The following ASPHD1 variants were observed in gnomAD, a reference collection of about 807,000 sequenced individuals.
ASPHD1 encodes aspartate beta-hydroxylase domain containing 1, also known as aspartate beta-hydroxylase domain-containing protein 1.
Under a neutral mutation model 28.3 loss-of-function variants are expected in ASPHD1, and 20 were observed. That is an observed-to-expected ratio of 0.71 (90% CI 0.50 to 1.03). The LOEUF (loss-of-function observed/expected upper bound fraction) is 1.03, where lower values mean the gene tolerates loss of function less well. Among genes scored for constraint, ASPHD1 ranks in the 50% least tolerant of loss-of-function variants. The probability of loss-of-function intolerance (pLI) is 0.00; values close to 1 mark genes in which losing one functional copy is unlikely to be tolerated. For synonymous variants in ASPHD1, 240 were observed against 221.2 expected, an observed-to-expected ratio of 1.08 and a Z score of -0.75; for missense variants, 479 against 524.1, an observed-to-expected ratio of 0.91 and a Z score of 0.84.
chr16:29,901,344 G>T lies in ASPHD1; in HGVS notation c.373G>T (p.Ala125Ser), dbSNP rs2068543750. ...VRGGPVGCSE[A>S]GGPSPGGPGD... ...TGGTGGGCCTGTGGGATGCTCGGAGGCCGGCGGGCCAAGCCCAGGGGGTCC... is the reference window on the plus strand; with the variant it reads ...TGGTGGGCCTGTGGGATGCTCGGAGTCCGGCGGGCCAAGCCCAGGGGGTCC... The change falls in exon 1 of 3, where the codon GCC (alanine) becomes TCC (serine). Residue 125 changes from alanine to serine, a missense_variant. Physicochemically the swap from Ala to Ser is moderately conservative, Grantham distance 99. Coordinates refer to ENST00000308748, the MANE Select transcript of ASPHD1 (RefSeq NM_181718.4). This position sits in a 1 kb window ranked among gnomAD's most constrained non-coding sequence, Gnocchi z 5.1. The T allele has an allele frequency of 6.2e-7, 1 of 1,602,326 alleles. No homozygotes were observed. Among genetic ancestry groups the T allele is most frequent in the South Asian group, 1.1e-5 (1 of 90,146 alleles).
Position 29,905,295 on chromosome 16 carries a change from T to C in ASPHD1, c.1063+330T>C, listed in dbSNP as rs2068594335. The C allele has an allele frequency of 3.2e-5, 8 of 248,744 alleles. No homozygotes were observed. In the South Asian group the frequency reaches 4.0e-4, roughly 12 times the overall value. 15.4% of individuals were successfully genotyped at this position (248,744 alleles called of 1,614,324 possible). On this transcript the variant is annotated intron_variant, in intron 2 of 2. Transcript: ENST00000308748. Reference sequence around the variant, plus strand: ...GTTGCTTTGTATAAAATAGGGATAATTATGGTAATACCACAGTTTGTTTTG... The same window carrying C: ...GTTGCTTTGTATAAAATAGGGATAACTATGGTAATACCACAGTTTGTTTTG...
intron 1 of ASPHD1, among the ~76,000 whole-genome samples, chr16:29,903,315 C>G (rs2150828860): frequency 6.6e-6 from 1 of 152,078 alleles, no homozygotes; most frequent in African/African-American, 2.4e-5. Flanking sequence ...GAGATCACAA[C>G]ATTGCACTCC....
At position 29,901,972 on chromosome 16, in the gene ASPHD1, C is replaced by G. The variant is rs1335252728; in HGVS notation, c.949+52C>G. 1 of 1,362,780 alleles carries G rather than the reference C, an allele frequency of 7.3e-7. No homozygotes were observed. Among genetic ancestry groups the G allele is most frequent in the Non-Finnish European group, 9.6e-7 (1 of 1,041,882 alleles). 84.4% of individuals were successfully genotyped at this position (1,362,780 alleles called of 1,614,324 possible). Reference sequence around the variant, plus strand: ...CTCCTTGCCTCGATGATTTCCCCCCCAGACCCTTCTCTCCGCCAGAGCCGT... The same window carrying G: ...CTCCTTGCCTCGATGATTTCCCCCCGAGACCCTTCTCTCCGCCAGAGCCGT... On this transcript the variant is annotated intron_variant, in intron 1 of 2. Transcript: ENST00000308748. This position sits in a 1 kb window ranked among gnomAD's most constrained non-coding sequence, Gnocchi z 5.1.
At chr16:29,906,148 C>CTTT (rs770827164), downstream of ASPHD1, 418 of 177,384 alleles carry the variant, frequency 2.4e-3, 1 homozygote, top group African/African-American at 6.9e-3. Context: ...TTTTTTCTTT[C>CTTT]TTTTTTTTTT....
intron 1 of ASPHD1, 34 bp from the exon 2 acceptor site, chr16:29,904,818 C>T (rs746253276): frequency 2.1e-5 from 31 of 1,473,906 alleles, no homozygotes; most frequent in Non-Finnish European, 2.9e-5. Context: ...GGGATGGAGG[C>T]AGGAGTGCTG....
intron 3 of ASPHD1, chr16:29,911,302 T>C: frequency 1.4e-6 from 1 of 720,722 alleles, no homozygotes. Context: ...ACAGAGAGCC[T>C]CCTCCACCCC....
downstream of ASPHD1, chr16:29,910,898 C>T (rs1276538705): frequency 1.5e-6 from 2 of 1,372,816 alleles, no homozygotes; most frequent in Admixed American, 2.1e-5. Flanking sequence ...TGGGCTCCTT[C>T]CCCTGCCAAC....
Position 29,901,589 on chromosome 16 carries a change from G to A in ASPHD1, c.618G>A (p.Gln206=). The change falls in exon 1 of 3, where the codon CAG becomes CAA. Residue 206 remains glutamine (Q), a synonymous_variant. Transcript: ENST00000308748. This position sits in a 1 kb window ranked among gnomAD's most constrained non-coding sequence, Gnocchi z 5.1. ...PSAPFVPRDA[Q]RHDVELLESS... ...CCCCCTTTGTGCCGCGGGACGCCCA[G>A]CGGCACGACGTGGAGCTCCTGGAGA... The A allele has an allele frequency of 6.5e-7, 1 of 1,543,032 alleles. No individual in the cohort carries two copies. Among genetic ancestry groups the A allele is most frequent in the Non-Finnish European group, 8.7e-7 (1 of 1,153,256 alleles).
downstream of ASPHD1, among the ~76,000 whole-genome samples, chr16:29,907,350 T>C (rs1256220709): frequency 6.6e-6 from 1 of 152,232 alleles, no homozygotes; most frequent in Non-Finnish European, 1.5e-5. Flanking sequence ...AGCCTCTTGG[T>C]ATATTTTTTC....
downstream of ASPHD1, among the ~76,000 whole-genome samples, chr16:29,907,729 A>G (rs1035024057): frequency 6.6e-6 from 1 of 152,166 alleles, no homozygotes; most frequent in Non-Finnish European, 1.5e-5. Context: ...TGGAGGTTGC[A>G]GTGAGCCAAG....
At position 29,911,890 on chromosome 16, in the gene ASPHD1, C is replaced by T. The variant is rs759019564; in HGVS notation, c.*62+5931C>T. 59 of 1,611,356 alleles carry T rather than the reference C, an allele frequency of 3.7e-5. 1 individual carries two copies. Among genetic ancestry groups the T allele is most frequent in the South Asian group, 9.9e-5 (9 of 90,952 alleles). On this transcript the variant is annotated intron_variant and NMD_transcript_variant, in intron 3 of 3. Transcript: ENST00000414952. The stretch of plus-strand genomic sequence containing the variant: ...GGGCTGGCGGGGGAGAGAGGATGGA[C>T]GAGAGGGGTGAGGCTGCAGGGAGAG...
At chr16:29,913,644 C>A (rs2068756784) in intron 3 of ASPHD1, 4 of 152,186 alleles carry the variant, frequency 2.6e-5, no homozygotes, top group Admixed American at 2.6e-4. Flanking sequence ...AAAGGCATGA[C>A]CGCCCCTAGA....
At chr16:29,904,126 GAATAAAATAA>G (rs55763869) in intron 1 of ASPHD1, among the ~76,000 whole-genome samples, 14 of 147,282 alleles carry the variant, frequency 9.5e-5, no homozygotes, top group South Asian at 4.4e-4. Context: ...GTCTGTATAA[GAATAAAATAA>G]AATAAAATAA....
chr16:29,901,170 A>G lies in ASPHD1; in HGVS notation c.199A>G (p.Ile67Val). ...AGGCCTCTTGGCCAGGGCCTCCCTGATCATGCTCCCGTGGCCACTACCCCT... is the reference window on the plus strand; with the variant it reads ...AGGCCTCTTGGCCAGGGCCTCCCTGGTCATGCTCCCGTGGCCACTACCCCT... Reference protein sequence around the residue: ...APGLLARASLIMLPWPLPLAS... With the variant: ...APGLLARASLVMLPWPLPLAS... Residue 67 changes from isoleucine (I) to valine (V), a missense_variant, in exon 1 of 3, where the codon ATC becomes GTC. Coordinates refer to ENST00000308748, the MANE Select transcript of ASPHD1 (RefSeq NM_181718.4). This position sits in a 1 kb window ranked among gnomAD's most constrained non-coding sequence, Gnocchi z 5.1. The G allele has an allele frequency of 6.2e-7, 1 of 1,612,588 alleles. No homozygotes were observed.
downstream of ASPHD1, among the ~76,000 whole-genome samples, chr16:29,908,505 C>T (rs2068651510): frequency 6.6e-6 from 1 of 152,122 alleles, no homozygotes; most frequent in Admixed American, 6.5e-5. Context: ...CTGCTTCAAC[C>T]TCCCGGAGTA....
At position 29,904,916 on chromosome 16, in the gene ASPHD1, G is replaced by C; in HGVS notation, c.1014G>C (p.Gly338=). 6.2e-7 allele frequency: 1 copy of C among 1,613,484 alleles called. No individual in the cohort carries two copies. The highest frequency in any genetic ancestry group is 1.1e-5 in the South Asian group (1 of 91,012). Residue 338 remains glycine (G), a synonymous_variant, in exon 2 of 3, where the codon GGG becomes GGC. Transcript: ENST00000308748. ...VGGEPQCWAE[G]HCLLVDDSFL... Reference sequence around the variant, plus strand: ...GTGAGCCCCAGTGCTGGGCTGAGGGGCACTGTCTACTGGTGGACGACTCTT... The same window carrying C: ...GTGAGCCCCAGTGCTGGGCTGAGGGCCACTGTCTACTGGTGGACGACTCTT...
At position 29,901,798 on chromosome 16, in the gene ASPHD1, G is replaced by A. The variant is rs540666798; in HGVS notation, c.827G>A (p.Arg276Lys). 15 of 1,563,096 alleles carry A rather than the reference G, an allele frequency of 9.6e-6. No individual in the cohort carries two copies. The South Asian group carries it at 1.6e-4, about 17-fold the overall frequency. ...TGCCCGGGGGCCTATCGGGCACTGA[G>A]GGGGCTTCGAAGCTTTATGAGTGCC... The part of the protein sequence containing the change: ...RRCPGAYRAL[R>K]GLRSFMSANT... Residue 276 changes from arginine to lysine, a missense_variant, in exon 1 of 3, where the codon AGG becomes AAG. By Grantham distance (26) the Arg-to-Lys change is conservative. Coordinates refer to ENST00000308748, the MANE Select transcript of ASPHD1 (RefSeq NM_181718.4). The surrounding 1 kb of genome is among the most constrained non-coding windows in gnomAD (Gnocchi z 5.1).
chr16:29,910,975 GA>G (rs1417503405), downstream of ASPHD1: 2 of 1,613,518 alleles, frequency 1.2e-6, no homozygotes, highest in Admixed American at 3.3e-5. Context: ...GAGCCCCTCT[GA>G]CCTTGGTCTG....
intron 3 of ASPHD1, chr16:29,911,441 ATTT>A (rs1484247798): frequency 5.4e-6 from 3 of 557,226 alleles, no homozygotes; most frequent in South Asian, 2.4e-5. Flanking sequence ...TGGTGTCCCC[ATTT>A]TTTAACTGGG....
Sources: gnomAD v4.1 joint callset for allele counts (sites outside exome capture counted in the v4.1 genomes callset) on GRCh38, gnomAD v4.1.1 for gene constraint, Gnocchi (gnomAD v3.1) non-coding constraint, MANE v1.5 for transcripts, NCBI Gene and HGNC (gene_info 2026-07-23, HGNC 2026-07-21) for gene names.